The following CANX variants were observed in gnomAD, a reference collection of about 807,000 sequenced individuals.
CANX encodes the protein epididymis secretory sperm binding protein.
A neutral mutation model predicts 75.7 loss-of-function variants in CANX; 14 were observed. That is an observed-to-expected ratio of 0.19 (90% confidence interval 0.12 to 0.29). The LOEUF (loss-of-function observed/expected upper bound fraction) is 0.29, where lower values mean the gene tolerates loss of function less well. CANX is among the 10% of genes least tolerant of loss of function. The pLI is 1.00. For missense variants in CANX, 567 were observed against 713.2 expected (o/e 0.79, Z 2.34); for synonymous variants, 227 against 236.9 (o/e 0.96, Z 0.38).
At chr5:179,680,566 A>G (rs1776036851) in intron 1 of CANX, among the ~76,000 whole-genome samples, 1 of 152,114 alleles carries the variant, frequency 6.6e-6, no homozygotes, top group Non-Finnish European at 1.5e-5. Context: ...TAGGGCTCAA[A>G]GTATCAGGGA....
chr5:179,690,818 G>A (rs1366667923), intron 1 of CANX, among the ~76,000 whole-genome samples: 1 of 151,906 alleles, frequency 6.6e-6, no homozygotes, highest in Non-Finnish European at 1.5e-5. Flanking sequence ...GAATCCAGGA[G>A]GCAGAGCTTG....
At chr5:179,709,818 G>A in intron 6 of CANX, 55 bp from the exon 7 acceptor site, 1 of 1,154,022 alleles carries the variant, frequency 8.7e-7, no homozygotes, top group Non-Finnish European at 1.2e-6. Context: ...TTGAAACGTT[G>A]CTTTTGAACA....
chr5:179,689,377 A>G (rs1235870186), intron 1 of CANX, among the ~76,000 whole-genome samples: 2 of 109,180 alleles, frequency 1.8e-5, no homozygotes, highest in Non-Finnish European at 4.0e-5. Flanking sequence ...AAAACCCAAC[A>G]AGTTTTTTTT....
At chr5:179,695,260 C>T (rs1433871385), upstream of CANX, among the ~76,000 whole-genome samples, 1 of 151,960 alleles carries the variant, frequency 6.6e-6, no homozygotes, top group Non-Finnish European at 1.5e-5. Flanking sequence ...GGGGTTTCAC[C>T]GTGTTAGCCA....
intron 1 of CANX, chr5:179,700,039 C>T (rs1334388607): frequency 6.6e-6 from 1 of 152,168 alleles, no homozygotes; most frequent in African/African-American, 2.4e-5. Context: ...TTAGTAACTG[C>T]TCGATGATCA....
chr5:179,715,396 T>C (rs1019649390), intron 7 of CANX, among the ~76,000 whole-genome samples: 18 of 151,986 alleles, frequency 1.2e-4, no homozygotes, highest in African/African-American at 4.4e-4. Context: ...TAGCTGGGCA[T>C]GGTGGCACGG....
At chr5:179,719,598 T>A in intron 8 of CANX, 70 bp from the exon 9 acceptor site, 1 of 820,682 alleles carries the variant, frequency 1.2e-6, no homozygotes, top group Non-Finnish European at 2.0e-6. Flanking sequence ...GAATACTCTG[T>A]TCTGATCCAC....
At chr5:179,725,597 G>A (rs1778600505) in intron 13 of CANX, among the ~76,000 whole-genome samples, 3 of 148,390 alleles carry the variant, frequency 2.0e-5, no homozygotes, top group African/African-American at 7.5e-5. Context: ...GGAGAATGGC[G>A]TGAACCTGGG....
intron 1 of CANX, among the ~76,000 whole-genome samples, chr5:179,693,145 C>CAAAA: frequency 1.1e-5 from 1 of 92,972 alleles, no homozygotes; most frequent in African/African-American, 5.0e-5. Flanking sequence ...AACTCCGTCT[C>CAAAA]AAAAAAAAAA....
intron 8 of CANX, among the ~76,000 whole-genome samples, chr5:179,718,628 A>G (rs1778118829): frequency 6.6e-6 from 1 of 152,078 alleles, no homozygotes; most frequent in African/African-American, 2.4e-5. Context: ...TCCCGGTTTC[A>G]AGTGATTCTC....
At chr5:179,710,267 AC>A (rs1562482229) in intron 7 of CANX, among the ~76,000 whole-genome samples, 1 of 151,970 alleles carries the variant, frequency 6.6e-6, no homozygotes, top group Non-Finnish European at 1.5e-5. Context: ...TACTAAAAAT[AC>A]AAATATTAGC....
chr5:179,705,714 G>C lies in CANX; in HGVS notation c.33G>C (p.Leu11=). 1 of 1,612,984 alleles carries C rather than the reference G, an allele frequency of 6.2e-7. No individual in the cohort carries two copies. The highest frequency in any genetic ancestry group is 8.5e-7 in the Non-Finnish European group (1 of 1,179,190). Residue 11 remains leucine, a synonymous_variant, in exon 2 of 15, where the codon CTG becomes CTC. Coordinates refer to ENST00000247461, the MANE Select transcript of CANX (RefSeq NM_001746.4). MEGKWLLCML[L]VLGTAIVEAH... ...GGAAGTGGTTGCTGTGTATGTTACT[G>C]GTGCTTGGAACTGCTATTGTTGAGG...
At chr5:179,682,403 T>C (rs9763971) in intron 1 of CANX, among the ~76,000 whole-genome samples, 68,530 of 150,752 alleles carry the variant, frequency 0.45, 15,805 homozygotes, top group South Asian at 0.56. Context: ...GGTGAAACCC[T>C]GTCTCTAATA....
intron 13 of CANX, among the ~76,000 whole-genome samples, chr5:179,726,116 C>G (rs575926436): frequency 1.3e-5 from 2 of 151,820 alleles, no homozygotes; most frequent in African/African-American, 4.8e-5. Flanking sequence ...TGGTGAAACC[C>G]CGTTTCACTA....
intron 4 of CANX, 98 bp downstream of exon 4, chr5:179,707,288 C>A: frequency 1.3e-6 from 1 of 781,332 alleles, no homozygotes; most frequent in Non-Finnish European, 2.3e-6. Context: ...ACATAGTAGG[C>A]TTTAAGATTT....
At chr5:179,705,643 G>A in intron 1 of CANX, 36 bp from the exon 2 acceptor site, 2 of 1,534,364 alleles carry the variant, frequency 1.3e-6, no homozygotes, top group Admixed American at 1.7e-5. Flanking sequence ...TTGATAGGTG[G>A]CAATACATTT....
intron 8 of CANX, among the ~76,000 whole-genome samples, chr5:179,717,162 T>A (rs1349827504): frequency 6.6e-6 from 1 of 152,176 alleles, no homozygotes; most frequent in Non-Finnish European, 1.5e-5. Flanking sequence ...AATATCCTCC[T>A]ATGCTTAGCA....
chr5:179,712,693 G>T (rs1777657615), intron 7 of CANX, among the ~76,000 whole-genome samples: 1 of 151,140 alleles, frequency 6.6e-6, no homozygotes. Flanking sequence ...CCAAACTGCT[G>T]GGTTATAGGC....
intron 1 of CANX, among the ~76,000 whole-genome samples, chr5:179,688,046 A>C (rs1776220821): frequency 6.6e-6 from 1 of 151,200 alleles, no homozygotes; most frequent in Non-Finnish European, 1.5e-5. Flanking sequence ...AAAATAAATA[A>C]ATAAAGTCAG....
Sources: allele counts gnomAD v4.1 joint callset (sites outside exome capture counted in the v4.1 genomes callset), GRCh38; gene constraint gnomAD v4.1.1; transcripts MANE v1.5; gene names NCBI Gene and HGNC (gene_info 2026-07-23, HGNC 2026-07-21).